DEPDC5: variants seen among roughly 807,000 people sequenced by gnomAD.
DEPDC5 encodes the protein DEP domain containing 5, GATOR1 subcomplex subunit, also known as GATOR1 complex protein DEPDC5.
DEPDC5 carries 73 observed loss-of-function variants against 217.3 expected under a neutral mutation model. The ratio of observed to expected loss-of-function variants is 0.34; its 90% CI spans 0.28 to 0.41. The LOEUF (loss-of-function observed/expected upper bound fraction) is 0.41. Among genes scored for constraint, DEPDC5 ranks in the 10% least tolerant of loss-of-function variants. The probability of loss-of-function intolerance (pLI) is 1.00; values close to 1 mark genes in which losing one functional copy is unlikely to be tolerated. For synonymous variants in DEPDC5, 733 were observed against 756.7 expected, an observed-to-expected ratio of 0.97 and a Z score of 0.51; for missense variants, 1,675 against 2,070.1, an observed-to-expected ratio of 0.81 and a Z score of 3.70.
chr22:31,860,515 A>AAGAATTCC (rs1432832496), intron 32 of DEPDC5, among the ~76,000 whole-genome samples: 3 of 152,218 alleles, frequency 2.0e-5, no homozygotes, highest in Non-Finnish European at 4.4e-5. Context: ...GAAAGAGGGT[A>AAGAATTCC]CTACTTAAGA....
rs759006388 is a variant in DEPDC5 at position 31,819,036 on chromosome 22, A to G, written c.1681A>G (p.Met561Val). 1.9e-6 allele frequency: 3 copies of G among 1,614,186 alleles called. No homozygotes were observed. Among genetic ancestry groups the G allele is most frequent in the African/African-American group, 1.3e-5 (1 of 75,050 alleles). ...YTSTRDVLENMMEPPQRDSSA... is the reference protein window; with the variant it reads ...YTSTRDVLENVMEPPQRDSSA... The stretch of plus-strand genomic sequence containing the variant: ...ATAACTGGCAGATGTCCTGGAGAAC[A>G]TGATGGAGCCACCACAGCGAGACTC... The change falls in exon 22 of 43, where the codon ATG (methionine) becomes GTG (valine). Residue 561 changes from methionine to valine, a missense_variant. Transcript: ENST00000651528.
At chr22:31,843,499 A>G (rs2091521857) in intron 28 of DEPDC5, 146 bp from the exon 29 acceptor site, 4 of 952,898 alleles carry the variant, frequency 4.2e-6, no homozygotes, top group Non-Finnish European at 6.2e-6. Flanking sequence ...AGAAATTTCT[A>G]GTACCGTTCC....
At chr22:31,866,562 T>C (rs2092694946) in intron 33 of DEPDC5, among the ~76,000 whole-genome samples, 1 of 152,178 alleles carries the variant, frequency 6.6e-6, no homozygotes, top group South Asian at 2.1e-4. Context: ...ATCTTTGTAT[T>C]TTTAGTAGAG....
Position 31,879,582 on chromosome 22 carries a change from G to A in DEPDC5, c.3863G>A (p.Ser1288Asn). 1.2e-6 allele frequency: 2 copies of A among 1,613,580 alleles called. No homozygotes were observed. The highest frequency in any genetic ancestry group is 1.7e-6 in the Non-Finnish European group (2 of 1,180,034). Reference sequence around the variant, plus strand: ...ACAGCAGGAGTGGACGACTTCGCCAGCTTCCAGCGCAAGTGGTTTGAGGTG... The same window carrying A: ...ACAGCAGGAGTGGACGACTTCGCCAACTTCCAGCGCAAGTGGTTTGAGGTG... ...WHTAGVDDFA[S>N]FQRKWFEVAF... The change falls in exon 38 of 43, where the codon AGC becomes AAC. Residue 1288 changes from serine to asparagine, a missense_variant. By Grantham distance (46) the Ser-to-Asn change is conservative. Around this residue, in one of 11 missense-constraint regions of DEPDC5, gnomAD observed 194 missense variants for 199.3 expected, o/e 0.97. Coordinates refer to ENST00000651528, the MANE Select transcript of DEPDC5 (RefSeq NM_001242896.3).
At chr22:31,905,678 G>T (rs965364682) in intron 41 of DEPDC5, among the ~76,000 whole-genome samples, 2 of 152,028 alleles carry the variant, frequency 1.3e-5, no homozygotes, top group Non-Finnish European at 2.9e-5. Context: ...AGAGATGAAG[G>T]CTGGATGAAG....
intron 24 of DEPDC5, among the ~76,000 whole-genome samples, chr22:31,829,404 C>T (rs1431455748): frequency 2.0e-5 from 3 of 152,020 alleles, no homozygotes; most frequent in East Asian, 1.9e-4. Context: ...TGGTGGCGGG[C>T]GCCTGTAATC....
chr22:31,808,607 T>C (rs912980847), intron 18 of DEPDC5, among the ~76,000 whole-genome samples: 1 of 152,050 alleles, frequency 6.6e-6, no homozygotes, highest in African/African-American at 2.4e-5. Flanking sequence ...GCTAATTTTT[T>C]GTGTTTTTAG....
Position 31,843,793 on chromosome 22 carries a change from G to C in DEPDC5, c.2782G>C (p.Ala928Pro). 1 of 1,606,938 alleles carries C rather than the reference G, an allele frequency of 6.2e-7. No individual in the cohort carries two copies. The highest frequency in any genetic ancestry group is 8.5e-7 in the Non-Finnish European group (1 of 1,174,076). The change falls in exon 29 of 43, where the codon GCC becomes CCC. Residue 928 changes from alanine to proline, a missense_variant. This residue lies in a region of DEPDC5 where 293 missense variants were observed against 386.1 expected (regional missense o/e 0.76). Coordinates refer to ENST00000651528, the MANE Select transcript of DEPDC5 (RefSeq NM_001242896.3). ...TTACTTAGATCAGTATATCTGTTCT[G>C]CCGGCTCTGAAGACTTCAGGTCAGA... ...WNYLDQYICS[A>P]GSEDFSLIES... is the part of the protein sequence containing the mutation.
intron 7 of DEPDC5, among the ~76,000 whole-genome samples, chr22:31,774,496 G>A (rs1179578519): frequency 6.7e-6 from 1 of 149,970 alleles, no homozygotes; most frequent in Non-Finnish European, 1.5e-5. Context: ...ACCACCTCCA[G>A]CCACACCAAG....
intron 41 of DEPDC5, among the ~76,000 whole-genome samples, chr22:31,903,802 C>T (rs2093707860): frequency 6.6e-6 from 1 of 150,844 alleles, no homozygotes; most frequent in African/African-American, 2.4e-5. Context: ...AATGTTTCCT[C>T]TCTGAATTCC....
chr22:31,792,812 T>C lies in DEPDC5; in HGVS notation c.762T>C (p.Phe254=). ...QDHKGRFYED[F]YKVVVQNERR... is the part of the protein sequence containing the mutation. ...ACAAGGGGAGATTCTATGAAGACTTTTACAAGTATGTTTGGGTGCTTTGCT... is the reference window on the plus strand; with the variant it reads ...ACAAGGGGAGATTCTATGAAGACTTCTACAAGTATGTTTGGGTGCTTTGCT... The change falls in exon 12 of 43, where the codon TTT becomes TTC. Residue 254 remains phenylalanine (F), a synonymous_variant. Coordinates refer to ENST00000651528, the MANE Select transcript of DEPDC5 (RefSeq NM_001242896.3). 6.5e-7 allele frequency: 1 copy of C among 1,531,740 alleles called. No homozygotes were observed. Among genetic ancestry groups the C allele is most frequent in the South Asian group, 1.3e-5 (1 of 75,842 alleles). The allele number at this position is 1,531,740 out of a possible 1,614,324, so 94.9% of individuals were successfully genotyped here.
intron 15 of DEPDC5, among the ~76,000 whole-genome samples, chr22:31,803,242 G>A (rs895816897): frequency 4.6e-5 from 7 of 151,252 alleles, no homozygotes; most frequent in Admixed American, 1.3e-4. Context: ...ACGGAGTCTC[G>A]CTCTGTCTCC....
intron 18 of DEPDC5, among the ~76,000 whole-genome samples, chr22:31,807,917 G>A (rs1297601878): frequency 6.6e-6 from 1 of 151,964 alleles, no homozygotes; most frequent in Non-Finnish European, 1.5e-5. Flanking sequence ...AGGGGGGAGG[G>A]CTGTTAATGT....
chr22:31,840,689 T>C (rs1309197172), intron 27 of DEPDC5, among the ~76,000 whole-genome samples: 1 of 152,206 alleles, frequency 6.6e-6, no homozygotes, highest in East Asian at 1.9e-4. Flanking sequence ...TTTGCTGTGA[T>C]AAATTTAATC....
At chr22:31,765,688 C>T (rs1350039240) in intron 5 of DEPDC5, among the ~76,000 whole-genome samples, 3 of 152,206 alleles carry the variant, frequency 2.0e-5, no homozygotes, top group African/African-American at 7.2e-5. Context: ...TGCGCTATTG[C>T]ACTTCAGCCT....
intron 4 of DEPDC5, among the ~76,000 whole-genome samples, chr22:31,761,884 C>T (rs977698885): frequency 3.3e-5 from 5 of 149,738 alleles, no homozygotes; most frequent in Non-Finnish European, 7.4e-5. Flanking sequence ...AGGAGAATTA[C>T]TTGAACCCGG....
chr22:31,759,460 G>A (rs571806311), intron 3 of DEPDC5, among the ~76,000 whole-genome samples: 19 of 150,642 alleles, frequency 1.3e-4, no homozygotes, highest in South Asian at 8.4e-4. Context: ...TGCAATCTCT[G>A]TCTTCCGGGT....
intron 32 of DEPDC5, among the ~76,000 whole-genome samples, chr22:31,861,139 G>A (rs1198348683): frequency 6.7e-6 from 1 of 149,424 alleles, no homozygotes; most frequent in Non-Finnish European, 1.5e-5. Flanking sequence ...CTTCGCATTT[G>A]GATATTGTCT....
intron 21 of DEPDC5, chr22:31,815,489 A>G (rs1216572135): frequency 1.5e-6 from 1 of 662,380 alleles, no homozygotes; most frequent in African/African-American, 1.9e-5. Context: ...GACTCAATCG[A>G]TCCTCCCACC....
Sources: gnomAD v4.1 joint callset for allele counts (sites outside exome capture counted in the v4.1 genomes callset) on GRCh38, gnomAD v4.1.1 for gene constraint, gnomAD v4.1.1 regional missense constraint, MANE v1.5 for transcripts, NCBI Gene and HGNC (gene_info 2026-07-23, HGNC 2026-07-21) for gene names.